GRAMD4: variants seen among roughly 807,000 people sequenced by gnomAD.
GRAMD4 encodes the protein GRAM domain containing 4, also known as GRAM domain-containing protein 4.
In GRAMD4, 25 loss-of-function variants were observed where a neutral mutation model predicts 83.9. The observed-to-expected ratio is 0.30, with a 90% CI of 0.22 to 0.42. The LOEUF (loss-of-function observed/expected upper bound fraction) is 0.42, where lower values mean the gene tolerates loss of function less well. Ranked by LOEUF, GRAMD4 falls within the 10% of genes least tolerant of loss-of-function variation. The probability of loss-of-function intolerance (pLI) is 1.00; values close to 1 mark genes in which losing one functional copy is unlikely to be tolerated. For synonymous variants in GRAMD4, 336 were observed against 320.9 expected (o/e 1.05, Z -0.50); for missense variants, 593 against 788.7 (o/e 0.75, Z 2.97).
At chr22:46,615,730 G>A (rs554998939), upstream of GRAMD4, among the ~76,000 whole-genome samples, 11 of 48,562 alleles carry the variant, frequency 2.3e-4, 3 homozygotes, top group Admixed American at 3.9e-4. Context: ...AGGTTCCCCC[G>A]TGTGTAGGTT....
chr22:46,615,546 T>TGC (rs1238762241), upstream of GRAMD4, among the ~76,000 whole-genome samples: 3 of 142,870 alleles, frequency 2.1e-5, no homozygotes, highest in Admixed American at 7.0e-5. Flanking sequence ...GGTTCCCCTG[T>TGC]GTGTAGGTTC....
At chr22:46,595,006 T>G (rs1337747499) in intron 1 of GRAMD4, among the ~76,000 whole-genome samples, 3 of 152,274 alleles carry the variant, frequency 2.0e-5, no homozygotes, top group East Asian at 1.9e-4. Context: ...CGGTGCCCAG[T>G]CACCGAGGTA....
intron 1 of GRAMD4, among the ~76,000 whole-genome samples, chr22:46,597,139 G>A (rs2081269686): frequency 1.3e-5 from 2 of 152,324 alleles, no homozygotes; most frequent in South Asian, 2.1e-4. Flanking sequence ...CAGCAGGAGC[G>A]AGAGGTTTCC....
intron 11 of GRAMD4, among the ~76,000 whole-genome samples, chr22:46,668,437 C>T (rs2082445113): frequency 6.6e-6 from 1 of 152,142 alleles, no homozygotes; most frequent in African/African-American, 2.4e-5. Flanking sequence ...AGCTCCCCTC[C>T]CTCCCCACCG....
At chr22:46,577,040 T>G (rs932933752), upstream of GRAMD4, 1 of 144,526 alleles carries the variant, frequency 6.9e-6, no homozygotes, top group Non-Finnish European at 1.5e-5. Context: ...CCCTTTAAGG[T>G]GCGGCGCGGG....
chr22:46,637,256 C>CTTTT (rs10644251), intron 2 of GRAMD4, among the ~76,000 whole-genome samples: 3 of 143,104 alleles, frequency 2.1e-5, no homozygotes, highest in Admixed American at 6.9e-5. Context: ...ATCCAGTTCC[C>CTTTT]TTTTTTTTTT....
chr22:46,627,478 G>A (rs2081684310), intron 2 of GRAMD4, among the ~76,000 whole-genome samples: 1 of 152,260 alleles, frequency 6.6e-6, no homozygotes, highest in Non-Finnish European at 1.5e-5. Flanking sequence ...TAGGCCCTGG[G>A]CCCTGGGTGG....
intron 9 of GRAMD4, 74 bp from the exon 10 acceptor site, chr22:46,666,751 G>C (rs923315617): frequency 1.6e-6 from 2 of 1,274,904 alleles, no homozygotes; most frequent in African/African-American, 1.5e-5. Flanking sequence ...TGGGCGTGCA[G>C]GGCCAGCGAT....
rs1325638265 is a variant in GRAMD4, at chr22:46,663,037, C to T, written c.467-3C>T. Reference sequence around the variant, plus strand: ...GCCCTCACCGGGTCCCTGCCCCCTGCAGAGCGCCGGAGCCAGGGGCTGTCC... The same window carrying T: ...GCCCTCACCGGGTCCCTGCCCCCTGTAGAGCGCCGGAGCCAGGGGCTGTCC... On this transcript the variant is annotated splice_polypyrimidine_tract_variant and splice_region_variant and intron_variant, in intron 5 of 18. Transcript: ENST00000406902. 1 of 1,604,460 alleles carries T rather than the reference C, an allele frequency of 6.2e-7. No homozygotes were observed.
rs945570026 is a variant in GRAMD4, at chr22:46,659,769, A to C, written c.404+1462A>C. 3.9e-5 allele frequency among the ~76,000 whole-genome samples: 6 copies of C among 152,094 alleles called. No homozygotes were observed. Among genetic ancestry groups the C allele is most frequent in the African/African-American group, 1.4e-4 (6 of 41,410 alleles). ...CTGGTGTGGGGGAGGGAGAGGCCTC[A>C]CTTTCCTATTCCGCCCTGGCAGAAC... On this transcript the variant is annotated intron_variant, in intron 4 of 18. Transcript: ENST00000406902. This position sits in a 1 kb window ranked among gnomAD's most constrained non-coding sequence, Gnocchi z 4.1.
intron 1 of GRAMD4, among the ~76,000 whole-genome samples, chr22:46,581,597 A>G (rs1288376710): frequency 6.6e-6 from 1 of 152,264 alleles, no homozygotes; most frequent in African/African-American, 2.4e-5. Context: ...TGTGCAGTAA[A>G]TAGCAAGATT....
intron 1 of GRAMD4, among the ~76,000 whole-genome samples, chr22:46,579,682 A>C (rs2081078533): frequency 6.6e-6 from 1 of 152,106 alleles, no homozygotes; most frequent in African/African-American, 2.4e-5. Flanking sequence ...GGGCCACATG[A>C]AGCCCCCTTC....
intron 1 of GRAMD4, among the ~76,000 whole-genome samples, chr22:46,584,219 A>T (rs2081125482): frequency 6.6e-6 from 1 of 151,984 alleles, no homozygotes; most frequent in South Asian, 2.1e-4. Context: ...CCCCTTCTGC[A>T]GGGAGCCCGG....
At chr22:46,638,975 C>T (rs989731720) in intron 3 of GRAMD4, among the ~76,000 whole-genome samples, 1 of 152,250 alleles carries the variant, frequency 6.6e-6, no homozygotes, top group Non-Finnish European at 1.5e-5. Context: ...TCTGTGCGCT[C>T]ACCTGGTGCT....
chr22:46,586,202 C>T (rs138643609), intron 1 of GRAMD4, among the ~76,000 whole-genome samples: 58 of 152,224 alleles, frequency 3.8e-4, no homozygotes, highest in African/African-American at 1.3e-3. Context: ...CACTCACCTG[C>T]CTATGCCCTT....
chr22:46,653,709 T>G (rs1342182566), intron 3 of GRAMD4, among the ~76,000 whole-genome samples: 7 of 152,182 alleles, frequency 4.6e-5, no homozygotes, highest in African/African-American at 1.7e-4. Context: ...GGGGCCAAAG[T>G]GCCTCTCTGA....
At chr22:46,629,122 G>A (rs988834486) in intron 2 of GRAMD4, among the ~76,000 whole-genome samples, 4 of 152,096 alleles carry the variant, frequency 2.6e-5, no homozygotes, top group African/African-American at 9.7e-5. Flanking sequence ...GGACTCGGAC[G>A]TCTGGAAACC....
chr22:46,601,262 C>T (rs527751770), intron 1 of GRAMD4, among the ~76,000 whole-genome samples: 63 of 152,140 alleles, frequency 4.1e-4, no homozygotes, highest in South Asian at 3.3e-3. Context: ...ACCCGTCGGC[C>T]GCCGGGTCAC....
intron 3 of GRAMD4, among the ~76,000 whole-genome samples, chr22:46,650,709 G>A (rs765249309): frequency 6.6e-6 from 1 of 152,196 alleles, no homozygotes; most frequent in Admixed American, 6.5e-5. Flanking sequence ...ATTTCTATGT[G>A]CCATGTGTCG....
Sources: gnomAD v4.1 joint callset for allele counts (sites outside exome capture counted in the v4.1 genomes callset) on GRCh38, gnomAD v4.1.1 for gene constraint, Gnocchi (gnomAD v3.1) non-coding constraint, MANE v1.5 for transcripts, NCBI Gene and HGNC (gene_info 2026-07-23, HGNC 2026-07-21) for gene names.